The following ANO4 variants were observed in gnomAD, a reference collection of about 807,000 sequenced individuals.
The protein encoded by ANO4 is anoctamin 4.
A neutral mutation model predicts 141.9 loss-of-function variants in ANO4; 69 were observed. The observed-to-expected ratio is 0.49, with a 90% CI of 0.40 to 0.59. The LOEUF (loss-of-function observed/expected upper bound fraction) is 0.59. Ranked by LOEUF, ANO4 falls within the 20% of genes least tolerant of loss-of-function variation. The probability of loss-of-function intolerance (pLI) is 0.00; values close to 1 mark genes in which losing one functional copy is unlikely to be tolerated. For synonymous variants in ANO4, 350 were observed against 394.3 expected, an observed-to-expected ratio of 0.89 and a Z score of 1.33; for missense variants, 894 against 1,162.2, an observed-to-expected ratio of 0.77 and a Z score of 3.36.
At chr12:100,896,551 A>G (rs2040364522) in intron 1 of ANO4, among the ~76,000 whole-genome samples, 2 of 152,252 alleles carry the variant, frequency 1.3e-5, no homozygotes, top group Admixed American at 6.5e-5. Context: ...TGCCGACACC[A>G]TGGTGAGAGA....
intron 7 of ANO4, among the ~76,000 whole-genome samples, chr12:100,985,625 A>G (rs941825196): frequency 6.6e-6 from 1 of 152,128 alleles, no homozygotes. Flanking sequence ...TCATCTCACT[A>G]TATTTTAAGT....
intron 14 of ANO4, among the ~76,000 whole-genome samples, chr12:101,053,556 C>G (rs1463334357): frequency 2.0e-5 from 3 of 152,098 alleles, no homozygotes; most frequent in Non-Finnish European, 4.4e-5. Flanking sequence ...GGTCCTTGGC[C>G]TTCCTTGGTT....
chr12:100,807,220 A>G (rs1486433368), intron 1 of ANO4, among the ~76,000 whole-genome samples: 2 of 152,138 alleles, frequency 1.3e-5, no homozygotes, highest in Admixed American at 6.6e-5. Flanking sequence ...CTAGGTGGTG[A>G]TTCTTGAGAA....
chr12:101,057,921 T>A (rs80029635), intron 14 of ANO4, among the ~76,000 whole-genome samples: 34,197 of 152,170 alleles, frequency 0.22, 4,642 homozygotes, highest in Non-Finnish European at 0.31. Flanking sequence ...GGTGTTGTAG[T>A]CATGAAGTCT....
chr12:100,818,161 G>T (rs2035837733), intron 1 of ANO4, among the ~76,000 whole-genome samples: 1 of 151,646 alleles, frequency 6.6e-6, no homozygotes, highest in African/African-American at 2.4e-5. Flanking sequence ...TGTTTACATG[G>T]TACTTAATTA....
chr12:100,796,564 G>T lies in ANO4; in HGVS notation c.-141+1537G>T, dbSNP rs867305898. ...AAGCATACGTTTAAATAAAAAACAA[G>T]AATTTGTAGATGTTTACATGTTAGC... On this transcript the variant is annotated intron_variant, in intron 1 of 27. Coordinates refer to ENST00000392977, the MANE Select transcript of ANO4 (RefSeq NM_001286615.2). Among the ~76,000 whole-genome samples, 3 of 151,362 alleles carry T rather than the reference G, an allele frequency of 2.0e-5. No homozygotes were observed. In the South Asian group the frequency reaches 6.2e-4, roughly 31 times the overall value.
intron 5 of ANO4, among the ~76,000 whole-genome samples, chr12:100,966,513 C>T (rs543298917): frequency 1.3e-5 from 2 of 152,214 alleles, no homozygotes; most frequent in African/African-American, 4.8e-5. Flanking sequence ...TGGCCTCTAC[C>T]AGCCCTTTAA....
chr12:100,918,605 T>A (rs972743538), intron 2 of ANO4, among the ~76,000 whole-genome samples: 1 of 152,192 alleles, frequency 6.6e-6, no homozygotes, highest in Non-Finnish European at 1.5e-5. Context: ...ATGTTGCAGG[T>A]GTTGTAATGT....
chr12:100,919,736 G>GTATCTATCTATCTATCTATCTGTC (rs1555250918), intron 2 of ANO4, among the ~76,000 whole-genome samples: 22 of 133,054 alleles, frequency 1.7e-4, no homozygotes, highest in South Asian at 5.1e-4. Flanking sequence ...GTGTATGTAT[G>GTATCTATCTATCTATCTATCTGTC]TATCTATCTA....
chr12:101,120,397 A>G (rs2051037056), intron 25 of ANO4, 123 bp from the exon 26 acceptor site: 2 of 764,388 alleles, frequency 2.6e-6, no homozygotes, highest in Admixed American at 5.1e-5. Context: ...AACAACAGAT[A>G]TCTAGTATAG....
chr12:100,904,051 G>A (rs939153740), intron 2 of ANO4, among the ~76,000 whole-genome samples: 1 of 152,150 alleles, frequency 6.6e-6, no homozygotes, highest in Non-Finnish European at 1.5e-5. Flanking sequence ...GAAATTACTT[G>A]TCTATCCGTC....
chr12:100,884,347 A>G (rs747503633), intron 1 of ANO4, among the ~76,000 whole-genome samples: 1 of 152,212 alleles, frequency 6.6e-6, no homozygotes, highest in African/African-American at 2.4e-5. Flanking sequence ...GGAAATTCAG[A>G]CAGGGCAGCT....
intron 1 of ANO4, among the ~76,000 whole-genome samples, chr12:100,828,868 A>G (rs2036496068): frequency 6.6e-6 from 1 of 151,904 alleles, no homozygotes; most frequent in Non-Finnish European, 1.5e-5. Context: ...AAATACAAAA[A>G]ATTTAGCTGG....
intron 14 of ANO4, among the ~76,000 whole-genome samples, chr12:101,075,802 T>G (rs1271231700): frequency 1.3e-5 from 2 of 151,498 alleles, no homozygotes; most frequent in East Asian, 3.9e-4. Context: ...TGTGAGCTCA[T>G]GACATAAGAC....
chr12:100,919,736 G>GTATGTATCTATCTATCTATC (rs3059277), intron 2 of ANO4, among the ~76,000 whole-genome samples: 24 of 133,144 alleles, frequency 1.8e-4, no homozygotes, highest in Admixed American at 6.2e-4. Context: ...GTGTATGTAT[G>GTATGTATCTATCTATCTATC]TATCTATCTA....
intron 14 of ANO4, among the ~76,000 whole-genome samples, chr12:101,070,117 A>G (rs912381624): frequency 9.9e-5 from 15 of 152,200 alleles, no homozygotes; most frequent in South Asian, 2.1e-4. Flanking sequence ...ATTCAATGCA[A>G]TCCCTATAAA....
At chr12:100,718,620 A>C (rs763190580) in intron 1 of ANO4, among the ~76,000 whole-genome samples, 1 of 152,178 alleles carries the variant, frequency 6.6e-6, no homozygotes, top group South Asian at 2.1e-4. Flanking sequence ...TAAAATGATC[A>C]TTTAGGTGGC....
Position 101,029,153 on chromosome 12 carries a change from G to A in ANO4, c.842-7942G>A, listed in dbSNP as rs144483176. Among the ~76,000 whole-genome samples, 301 of 152,280 alleles carry A rather than the reference G, an allele frequency of 2.0e-3. 4 individuals carry two copies. The South Asian group carries it at 0.032, about 16-fold the overall frequency. On this transcript the variant is annotated intron_variant, in intron 9 of 27. Transcript: ENST00000392977. ...TGCTGAGGGATTTTGTTACCCCCAC[G>A]CTGGCCTTGCAAGAGCTCCTGAAAG...
In ANO4 at chr12:100,944,693, A is replaced by G. The variant is rs1010622458; in HGVS notation, c.456+2158A>G. Among the ~76,000 whole-genome samples the G allele has an allele frequency of 3.9e-5, 6 of 152,274 alleles. No homozygotes were observed. In the South Asian group the frequency reaches 1.2e-3, roughly 32 times the overall value. ...CAATTTCTCTCTAATGCAGCCTCCC[A>G]GCTCTGCTTTGCATCTTCGTGGACT... On this transcript the variant is annotated intron_variant, in intron 5 of 27. Coordinates refer to ENST00000392977, the MANE Select transcript of ANO4 (RefSeq NM_001286615.2).
Sources: gnomAD v4.1 joint callset for allele counts (sites outside exome capture counted in the v4.1 genomes callset) on GRCh38, gnomAD v4.1.1 for gene constraint, MANE v1.5 for transcripts, NCBI Gene and HGNC (gene_info 2026-07-23, HGNC 2026-07-21) for gene names.